Variants in PABPC4 observed in about 807,000 individuals in gnomAD.
The protein encoded by PABPC4 is polyadenylate-binding protein 4.
Under a neutral mutation model 74.5 loss-of-function variants are expected in PABPC4, and 15 were observed. The observed-to-expected ratio is 0.20, with a 90% CI of 0.13 to 0.31. PABPC4 has a LOEUF of 0.31. Among genes scored for constraint, PABPC4 ranks in the 10% least tolerant of loss-of-function variants. The pLI is 1.00. For missense variants in PABPC4, 610 were observed against 853.5 expected (o/e 0.71, Z 3.55); for synonymous variants, 345 against 303.0 (o/e 1.14, Z -1.44).
chr1:39,563,696 G>C lies in PABPC4; in HGVS notation c.1586C>G (p.Ala529Gly), dbSNP rs745735784. 2.5e-6 allele frequency: 4 copies of C among 1,614,276 alleles called. No homozygotes were observed. In the Admixed American group the frequency reaches 5.0e-5, roughly 20 times the overall value. ...GGCAACAGCCCGGGGAGCAGCAGCA[G>C]CAACAGCAGCGCGTGGCGCTAAGTT... ...VQNLAPRAAVAAAAPRAVAPY... is the reference protein window; with the variant it reads ...VQNLAPRAAVGAAAPRAVAPY... The change falls in exon 12 of 16, where the codon GCT becomes GGT. Residue 529 changes from alanine to glycine, a missense_variant. Physicochemically the swap from Ala to Gly is moderately conservative, Grantham distance 60. This residue lies in a region of PABPC4 where 277 missense variants were observed against 301.8 expected (regional missense o/e 0.92). Transcript: ENST00000372858.
In PABPC4 at chr1:39,563,685, G is replaced by GAGC. The variant is rs759084730; in HGVS notation, c.1594_1596dup (p.Ala532dup). ...TATTTGTAGGGGGCAACAGCCCGGG[G>GAGC]AGCAGCAGCAGCAACAGCAGCGCGT... On this transcript the variant is annotated inframe_insertion, in exon 12 of 16. Coordinates refer to ENST00000372858, the MANE Select transcript of PABPC4 (RefSeq NM_001135653.2). 1.3e-5 allele frequency: 21 copies of GAGC among 1,614,274 alleles called. No homozygotes were observed. Among genetic ancestry groups the GAGC allele is most frequent in the Middle Eastern group, 3.3e-4 (2 of 6,062 alleles).
rs543016931 is a variant in PABPC4 at position 39,569,388 on chromosome 1, G to A, written c.738+207C>T. ...CCTATTCTTTCAACAACTGATAGCT[G>A]AGGTGACAGGTATGTGCCAAGTGCT... On this transcript the variant is annotated intron_variant, in intron 5 of 15. Transcript: ENST00000372858. 6.8e-6 allele frequency: 4 copies of A among 585,740 alleles called. No homozygotes were observed. The East Asian group carries it at 1.1e-4, about 16-fold the overall frequency. 36.3% of individuals were successfully genotyped at this position (585,740 alleles called of 1,614,324 possible).
intron 3 of PABPC4, among the ~76,000 whole-genome samples, chr1:39,570,288 T>C (rs571490819): frequency 1.3e-4 from 20 of 152,374 alleles, no homozygotes; most frequent in African/African-American, 4.6e-4. Context: ...AAAATGTTCA[T>C]TTCTGTGCAA....
chr1:39,565,869 CACCA>C (rs748880445), intron 7 of PABPC4, among the ~76,000 whole-genome samples: 29 of 145,374 alleles, frequency 2.0e-4, no homozygotes, highest in African/African-American at 5.7e-4. Flanking sequence ...AAAACAAAAA[CACCA>C]ACCAACCAAA....
chr1:39,561,127 A>G lies in PABPC4; in HGVS notation c.*14-5T>C, dbSNP rs189730492. ...GGGTTATTTGGCTTTTGAATCCTGTAAAGAAAAGCACCAACACAAATAAAT... is the reference window on the plus strand; with the variant it reads ...GGGTTATTTGGCTTTTGAATCCTGTGAAGAAAAGCACCAACACAAATAAAT... On this transcript the variant is annotated splice_polypyrimidine_tract_variant and splice_region_variant and intron_variant, in intron 15 of 15. Transcript: ENST00000372858. 1.1e-5 allele frequency: 5 copies of G among 471,136 alleles called. No individual in the cohort carries two copies. The highest frequency in any genetic ancestry group is 1.8e-5 in the Non-Finnish European group (4 of 227,020). The allele number at this position is 471,136 out of a possible 1,614,324, so 29.2% of individuals were successfully genotyped here.
At chr1:39,573,614 T>C (rs1645973685) in intron 1 of PABPC4, among the ~76,000 whole-genome samples, 1 of 152,042 alleles carries the variant, frequency 6.6e-6, no homozygotes, top group South Asian at 2.1e-4. Context: ...AGGTCAGGAG[T>C]TCGAGACCAG....
chr1:39,564,804 C>CT, intron 8 of PABPC4, 31 bp from the exon 9 acceptor site: 9 of 1,534,062 alleles, frequency 5.9e-6, no homozygotes, highest in African/African-American at 1.4e-5. Flanking sequence ...CAAACACCCC[C>CT]TTAAGGACTG....
In PABPC4 at chr1:39,576,254, AAAATT is replaced by A. The variant is rs1359740841; in HGVS notation, c.-308_-304del. 3.2e-6 allele frequency: 1 copy of A among 310,326 alleles called. No individual in the cohort carries two copies. The highest frequency in any genetic ancestry group is 5.9e-6 in the Non-Finnish European group (1 of 169,812). 19.2% of individuals were successfully genotyped at this position (310,326 alleles called of 1,614,324 possible). On this transcript the variant is annotated 5_prime_UTR_variant, in exon 1 of 16. Transcript: ENST00000372858. Reference sequence around the variant, plus strand: ...AATTTCAAAAAATCAAAGTAGGAAAAAAATTAAACGGGGAATCCCCTTCCGAAGGG... The same window carrying A: ...AATTTCAAAAAATCAAAGTAGGAAAAAAACGGGGAATCCCCTTCCGAAGGG...
At chr1:39,561,355 A>C in intron 15 of PABPC4, 1 of 351,102 alleles carries the variant, frequency 2.8e-6, no homozygotes, top group Non-Finnish European at 5.5e-6. Context: ...GAGGGTCATG[A>C]CTATGCCAAG....
At chr1:39,564,084 C>G in intron 10 of PABPC4, 162 bp from the exon 11 acceptor site, 1 of 648,986 alleles carries the variant, frequency 1.5e-6, no homozygotes. Context: ...ACTCTTTCCA[C>G]ATCTTGGAAT....
At chr1:39,573,542 G>A (rs891437147) in intron 1 of PABPC4, among the ~76,000 whole-genome samples, 2 of 152,198 alleles carry the variant, frequency 1.3e-5, no homozygotes, top group African/African-American at 4.8e-5. Context: ...GGCTGGGCTG[G>A]GTATGGTGGC....
rs1190666995 is a variant in PABPC4, at chr1:39,568,738, T to C, written c.876+64A>G. 39 of 1,486,406 alleles carry C rather than the reference T, an allele frequency of 2.6e-5. 1 individual carries two copies. The highest frequency in any genetic ancestry group is 4.8e-5 in the South Asian group (4 of 82,786). 92.1% of individuals were successfully genotyped at this position (1,486,406 alleles called of 1,614,324 possible). A position where few individuals can be genotyped will look rare whatever the true frequency, so the allele number is the denominator to read the frequency against. On this transcript the variant is annotated intron_variant, in intron 6 of 15. Coordinates refer to ENST00000372858, the MANE Select transcript of PABPC4 (RefSeq NM_001135653.2). ...CCTCAAAAAGAAAGCCCGCTAAACA[T>C]AGGGGTGTTCTGCAAATATTTCACA... is the stretch of plus-strand genomic sequence containing the variant.
chr1:39,576,204 T>C lies in PABPC4; in HGVS notation c.-253A>G, dbSNP rs1646023895. 5.0e-6 allele frequency: 2 copies of C among 398,870 alleles called. No homozygotes were observed. The highest frequency in any genetic ancestry group is 4.1e-5 in the African/African-American group (2 of 48,284). 24.7% of individuals were successfully genotyped at this position (398,870 alleles called of 1,614,324 possible). A position where few individuals can be genotyped will look rare whatever the true frequency, so the allele number is the denominator to read the frequency against. ...GGCCCTCCCCGCGACTTTGCACTTC[T>C]CCGCGGTCCTGGTGCGAAGCTCCAA... On this transcript the variant is annotated 5_prime_UTR_variant, in exon 1 of 16. Coordinates refer to ENST00000372858, the MANE Select transcript of PABPC4 (RefSeq NM_001135653.2).
chr1:39,563,813 C>T, intron 11 of PABPC4, 23 bp downstream of exon 11: 1 of 1,614,122 alleles, frequency 6.2e-7, no homozygotes. Flanking sequence ...ATCTTTCCCC[C>T]TTCTGTGTGC....
At chr1:39,566,508 C>T (rs1384340220) in intron 7 of PABPC4, among the ~76,000 whole-genome samples, 2 of 152,198 alleles carry the variant, frequency 1.3e-5, no homozygotes, top group African/African-American at 2.4e-5. Context: ...TCATCATTCA[C>T]AAATGGCATT....
At chr1:39,575,666 G>T in intron 1 of PABPC4, 93 bp downstream of exon 1, 2 of 1,076,148 alleles carry the variant, frequency 1.9e-6, no homozygotes, top group Non-Finnish European at 1.3e-6. Flanking sequence ...ATGCTGTCGT[G>T]ATGCCGCCCT....
intron 5 of PABPC4, 73 bp downstream of exon 5, chr1:39,569,522 G>A: frequency 9.8e-7 from 1 of 1,022,746 alleles, no homozygotes; most frequent in South Asian, 1.3e-5. Flanking sequence ...CTCTAGGTAG[G>A]TGCTAGCAAG....
At chr1:39,566,214 T>G (rs1234169504) in intron 7 of PABPC4, among the ~76,000 whole-genome samples, 1 of 152,184 alleles carries the variant, frequency 6.6e-6, no homozygotes, top group Non-Finnish European at 1.5e-5. Flanking sequence ...ACTGAGCAAT[T>G]TATTTTCATA....
chr1:39,570,166 G>A (rs1645917479), intron 3 of PABPC4, among the ~76,000 whole-genome samples, 164 bp from the exon 4 acceptor site: 1 of 152,326 alleles, frequency 6.6e-6, no homozygotes, highest in Middle Eastern at 3.4e-3. Flanking sequence ...AGCAGAAAGA[G>A]AAAAAGGCAG....
Sources: gnomAD v4.1 joint callset for allele counts (sites outside exome capture counted in the v4.1 genomes callset) on GRCh38, gnomAD v4.1.1 for gene constraint, gnomAD v4.1.1 regional missense constraint, MANE v1.5 for transcripts, NCBI Gene and HGNC (gene_info 2026-07-23, HGNC 2026-07-21) for gene names.